The following CYLD variants were observed in gnomAD, a reference collection of about 807,000 sequenced individuals.
CYLD encodes the protein ubiquitin carboxyl-terminal hydrolase CYLD.
CYLD carries 26 observed loss-of-function variants against 104.5 expected under a neutral mutation model. The ratio of observed to expected loss-of-function variants is 0.25; its 90% CI spans 0.18 to 0.35. The LOEUF (loss-of-function observed/expected upper bound fraction) is 0.35, where lower values mean the gene tolerates loss of function less well. Ranked by LOEUF, CYLD falls within the 10% of genes least tolerant of loss-of-function variation. The pLI, the probability that CYLD is intolerant of heterozygous loss-of-function variation, is 1.00. For missense variants in CYLD, 703 were observed against 1,136.1 expected (o/e 0.62, Z 5.48); for synonymous variants, 385 against 399.9 (o/e 0.96, Z 0.45).
chr16:50,768,497 G>A (rs762576260), intron 5 of CYLD, among the ~76,000 whole-genome samples: 7 of 152,288 alleles, frequency 4.6e-5, no homozygotes, highest in Middle Eastern at 6.8e-3. Context: ...GGAAGCTTAG[G>A]AAAGAATTCT....
chr16:50,778,917 T>C (rs183115062), intron 8 of CYLD, among the ~76,000 whole-genome samples: 27 of 152,356 alleles, frequency 1.8e-4, no homozygotes, highest in African/African-American at 6.5e-4. Context: ...CTTTTGTCAT[T>C]GATCTGCAAT....
At chr16:50,781,487 G>A (rs1236563257) in intron 10 of CYLD, 76 bp downstream of exon 10, 1 of 1,509,492 alleles carries the variant, frequency 6.6e-7, no homozygotes, top group Non-Finnish European at 9.2e-7. Flanking sequence ...TATATTAGGT[G>A]ATGGTGACAG....
chr16:50,758,745 G>A (rs1388562085), intron 5 of CYLD, among the ~76,000 whole-genome samples: 1 of 152,150 alleles, frequency 6.6e-6, no homozygotes, highest in East Asian at 1.9e-4. Context: ...CTGGTAGGCT[G>A]GAGAGGCAAT....
chr16:50,797,029 T>G lies in CYLD; in HGVS notation c.*521T>G, dbSNP rs1972110135. On this transcript the variant is annotated 3_prime_UTR_variant, in exon 19 of 19. Transcript: ENST00000427738. ...AATCCTTTCTATATACTGCTGATCT[T>G]GCATGTCTACAATCTGCTCAGTTTT... is the stretch of plus-strand genomic sequence containing the variant. 1 of 240,706 alleles carries G rather than the reference T, an allele frequency of 4.2e-6. No homozygotes were observed. The highest frequency in any genetic ancestry group is 1.5e-4 in the South Asian group (1 of 6,498). 14.9% of individuals were successfully genotyped at this position (240,706 alleles called of 1,614,324 possible). A position where few individuals can be genotyped will look rare whatever the true frequency, so the allele number is the denominator to read the frequency against.
intron 7 of CYLD, 28 bp downstream of exon 7, chr16:50,776,305 G>T (rs777357588): frequency 2.7e-6 from 4 of 1,467,582 alleles, no homozygotes; most frequent in Non-Finnish European, 3.8e-6. Context: ...ATAACCTTTA[G>T]TAATTTGCAT....
intron 12 of CYLD, chr16:50,786,340 A>G (rs1476069664): frequency 6.4e-6 from 1 of 156,402 alleles, no homozygotes; most frequent in African/African-American, 2.4e-5. Flanking sequence ...TGTAGAGCAT[A>G]TAATAGTGTC....
chr16:50,793,924 T>C (rs1326330802), intron 17 of CYLD, among the ~76,000 whole-genome samples: 5 of 150,268 alleles, frequency 3.3e-5, no homozygotes, highest in African/African-American at 7.4e-5. Context: ...AATGACATTT[T>C]TTTTTTTTTT....
chr16:50,772,768 A>G (rs1969291061), intron 5 of CYLD, among the ~76,000 whole-genome samples: 1 of 152,200 alleles, frequency 6.6e-6, no homozygotes, highest in Admixed American at 6.5e-5. Flanking sequence ...CATGGCTTTC[A>G]TAGAGATTGC....
intron 5 of CYLD, among the ~76,000 whole-genome samples, chr16:50,773,889 AC>A (rs1191654554): frequency 6.6e-6 from 1 of 151,832 alleles, no homozygotes; most frequent in East Asian, 1.9e-4. Context: ...CTGATATTTG[AC>A]CCCCTCTCAG....
rs1972093337 is a variant in CYLD at position 50,796,823 on chromosome 16, G to A, written c.*315G>A. The A allele has an allele frequency of 2.5e-6, 1 of 396,470 alleles. No homozygotes were observed. The highest frequency in any genetic ancestry group is 4.7e-6 in the Non-Finnish European group (1 of 212,824). 24.6% of individuals were successfully genotyped at this position (396,470 alleles called of 1,614,324 possible). A position where few individuals can be genotyped will look rare whatever the true frequency, so the allele number is the denominator to read the frequency against. ...TTTGGAAGCATACAATTTTAATTGT[G>A]GAAGTTTAAAGCCTCTTTTAGTCCA... On this transcript the variant is annotated 3_prime_UTR_variant, in exon 19 of 19. Transcript: ENST00000427738.
At position 50,779,744 on chromosome 16, in the gene CYLD, T is replaced by C; in HGVS notation, c.1218T>C (p.Pro406=). ...DRSSPPLQPP[P]VNSLTTENRF... ...CTTCACCACCACTCCAGCCTCCTCC[T>C]GTGAACTCACTGACCACCGAGAACA... The change falls in exon 9 of 19, where the codon CCT becomes CCC. Residue 406 remains proline, a synonymous_variant. Transcript: ENST00000427738. The C allele has an allele frequency of 6.2e-7, 1 of 1,610,446 alleles. No homozygotes were observed. The highest frequency in any genetic ancestry group is 8.5e-7 in the Non-Finnish European group (1 of 1,178,604).
chr16:50,745,368 T>TG (rs1567416773), intron 2 of CYLD, among the ~76,000 whole-genome samples: 1 of 135,970 alleles, frequency 7.4e-6, no homozygotes, highest in Non-Finnish European at 1.6e-5. Flanking sequence ...CTTTGTTTTT[T>TG]TTTTTTTTTT....
intron 11 of CYLD, chr16:50,783,925 G>A: frequency 4.3e-6 from 1 of 233,814 alleles, no homozygotes; most frequent in Non-Finnish European, 8.6e-6. Context: ...AGAGGGAAGT[G>A]GGGCACTGAA....
chr16:50,792,063 T>A (rs1971485666), intron 15 of CYLD, among the ~76,000 whole-genome samples: 1 of 152,176 alleles, frequency 6.6e-6, no homozygotes, highest in Admixed American at 6.5e-5. Context: ...AGACAAAATG[T>A]CAATAAATTC....
At chr16:50,787,601 A>T in intron 13 of CYLD, 185 bp from the exon 14 acceptor site, 1 of 530,060 alleles carries the variant, frequency 1.9e-6, no homozygotes, top group East Asian at 3.2e-5. Flanking sequence ...ATACTTGATT[A>T]TAACTTATTA....
chr16:50,749,277 G>A (rs1216565578), intron 2 of CYLD, among the ~76,000 whole-genome samples: 2 of 152,138 alleles, frequency 1.3e-5, no homozygotes, highest in Admixed American at 1.3e-4. Context: ...GTTTTTACTA[G>A]AATCTGATTT....
intron 5 of CYLD, among the ~76,000 whole-genome samples, chr16:50,771,057 T>G (rs1969092950): frequency 6.6e-6 from 1 of 151,994 alleles, no homozygotes; most frequent in African/African-American, 2.4e-5. Context: ...ATGGAAGATT[T>G]TCTCCTAAGT....
chr16:50,753,117 G>C (rs1330202573), intron 4 of CYLD, among the ~76,000 whole-genome samples: 2 of 152,138 alleles, frequency 1.3e-5, no homozygotes, highest in Non-Finnish European at 2.9e-5. Context: ...TCCTGTGCTT[G>C]AAAATTCCAG....
chr16:50,744,114 G>C (rs1965967715), intron 2 of CYLD, among the ~76,000 whole-genome samples: 1 of 152,162 alleles, frequency 6.6e-6, no homozygotes, highest in Non-Finnish European at 1.5e-5. Context: ...TGGCAGTGGA[G>C]TGGCTAGGTT....
Sources: gnomAD v4.1 joint callset for allele counts (sites outside exome capture counted in the v4.1 genomes callset) on GRCh38, gnomAD v4.1.1 for gene constraint, MANE v1.5 for transcripts, NCBI Gene and HGNC (gene_info 2026-07-23, HGNC 2026-07-21) for gene names.